The following FBXO46 variants were observed in gnomAD, a reference collection of about 807,000 sequenced individuals.
FBXO46 encodes the protein F-box protein 46.
FBXO46 carries 13 observed loss-of-function variants against 30.7 expected under a neutral mutation model. The observed-to-expected ratio is 0.42, with a 90% CI of 0.28 to 0.67. FBXO46 has a LOEUF of 0.67. FBXO46 is among the 30% of genes least tolerant of loss of function. The pLI is 0.21. For synonymous variants in FBXO46, 467 were observed against 385.8 expected (o/e 1.21, Z -2.47); for missense variants, 754 against 871.5 (o/e 0.87, Z 1.70).
intron 1 of FBXO46, chr19:45,714,314 G>A (rs949097303): frequency 3.3e-5 from 5 of 151,924 alleles, no homozygotes; most frequent in Admixed American, 6.6e-5. Context: ...AACGAAATGC[G>A]CTGGGATGGG....
At chr19:45,716,197 A>G (rs1400977442) in intron 1 of FBXO46, 1 of 152,198 alleles carries the variant, frequency 6.6e-6, no homozygotes, top group African/African-American at 2.4e-5. Context: ...TATAATGCAA[A>G]TACTCAAAAT....
At chr19:45,719,314 GA>G (rs750788559) in intron 1 of FBXO46, among the ~76,000 whole-genome samples, 11 of 151,882 alleles carry the variant, frequency 7.2e-5, no homozygotes, top group Non-Finnish European at 1.5e-4. Flanking sequence ...GGATGATGAC[GA>G]AACAAAATGA....
chr19:45,732,071 C>G (rs986733809), upstream of FBXO46, among the ~76,000 whole-genome samples: 1 of 150,592 alleles, frequency 6.6e-6, no homozygotes, highest in Admixed American at 6.6e-5. Flanking sequence ...GAGCCGAGAT[C>G]GCGCCACTGC....
Position 45,713,424 on chromosome 19 carries a change from C to T in FBXO46, c.72G>A (p.Gln24=), listed in dbSNP as rs367697053. ...TGAGGGCCGCAGAAGGCGGGCGTGG[C>T]TGGTTCTGTGAGTAGGTGCCAAAGG... The part of the protein sequence containing the change: ...PRPFGTYSQN[Q]PRPPSAALKP... Residue 24 remains glutamine, a synonymous_variant, in exon 2 of 2, where the codon CAG becomes CAA. Transcript: ENST00000317683. The surrounding 1 kb of genome is among the most constrained non-coding windows in gnomAD (Gnocchi z 4.7). 407 of 1,605,272 alleles carry T rather than the reference C, an allele frequency of 2.5e-4. No individual in the cohort carries two copies. Among genetic ancestry groups the T allele is most frequent in the Non-Finnish European group, 3.3e-4 (383 of 1,173,750 alleles).
upstream of FBXO46, chr19:45,733,136 G>A (rs554619556): frequency 2.2e-4 from 34 of 152,432 alleles, no homozygotes; most frequent in African/African-American, 7.5e-4. This position sits in a 1 kb window ranked among gnomAD's most constrained non-coding sequence, Gnocchi z 5.7. Flanking sequence ...CCTGAGAGTT[G>A]GCAGTTGAGG....
chr19:45,730,339 C>T (rs1266771034), intron 1 of FBXO46, among the ~76,000 whole-genome samples: 1 of 151,918 alleles, frequency 6.6e-6, no homozygotes, highest in Non-Finnish European at 1.5e-5. Context: ...CTTACCCCAC[C>T]CTCAGTCCTG....
At chr19:45,726,658 T>C (rs548891299) in intron 1 of FBXO46, among the ~76,000 whole-genome samples, 1 of 150,070 alleles carries the variant, frequency 6.7e-6, no homozygotes, top group African/African-American at 2.5e-5. Flanking sequence ...AAAAAAAAAA[T>C]TGTTTGTAGA....
chr19:45,731,934 A>C (rs1968321358), upstream of FBXO46, among the ~76,000 whole-genome samples: 1 of 151,640 alleles, frequency 6.6e-6, no homozygotes, highest in African/African-American at 2.4e-5. Context: ...TGGCTAACAC[A>C]CTGAAACCCC....
intron 1 of FBXO46, among the ~76,000 whole-genome samples, chr19:45,721,477 C>A (rs1367889029): frequency 6.6e-6 from 1 of 151,464 alleles, no homozygotes; most frequent in African/African-American, 2.4e-5. Flanking sequence ...GCCAGGGTCA[C>A]ACCCAGCACA....
upstream of FBXO46, among the ~76,000 whole-genome samples, chr19:45,732,433 G>A (rs1172095480): frequency 6.6e-6 from 1 of 150,766 alleles, no homozygotes; most frequent in East Asian, 2.0e-4. Flanking sequence ...TTTCCAGGCT[G>A]GGTGCGGTGG....
rs533151018 is a variant in FBXO46, at chr19:45,727,781, C to G, written c.-79+3068G>C. Among the ~76,000 whole-genome samples the G allele has an allele frequency of 3.3e-5, 5 of 152,230 alleles. No individual in the cohort carries two copies. In the South Asian group the frequency reaches 1.0e-3, roughly 32 times the overall value. On this transcript the variant is annotated intron_variant, in intron 1 of 1. Transcript: ENST00000317683. ...AAAGTTGTCAAACTGCCCAATGAGG[C>G]CTTAATGACCCAAAAGTTAAACGAA...
At chr19:45,723,494 G>C (rs1363696455) in intron 1 of FBXO46, 2 of 152,204 alleles carry the variant, frequency 1.3e-5, no homozygotes, top group African/African-American at 4.8e-5. Context: ...CAGCTGATGA[G>C]AGGTGAAGCC....
chr19:45,727,491 G>A (rs764335931), intron 1 of FBXO46, among the ~76,000 whole-genome samples: 28 of 151,916 alleles, frequency 1.8e-4, no homozygotes, highest in Non-Finnish European at 2.9e-4. Context: ...CCCGGGAGGC[G>A]GAGATTGCAG....
Position 45,712,542 on chromosome 19 carries a change from G to C in FBXO46, c.954C>G (p.Ala318=), listed in dbSNP as rs1968003271. The change falls in exon 2 of 2, where the codon GCC becomes GCG. Residue 318 remains alanine (A), a synonymous_variant. Transcript: ENST00000317683. The surrounding 1 kb of genome is among the most constrained non-coding windows in gnomAD (Gnocchi z 8.8). ...GCAGGAACTCCACGTTGCTGGGGAG[G>C]GCATCCCGCGAGGGGCTGATGAGCT... The part of the protein sequence containing the change: ...LYQLISPSRD[A]LPSNVEFLLA... The C allele has an allele frequency of 1.3e-6, 2 of 1,598,788 alleles. No homozygotes were observed. The highest frequency in any genetic ancestry group is 2.2e-5 in the South Asian group (2 of 89,300).
chr19:45,724,896 G>C (rs1174417961), intron 1 of FBXO46, among the ~76,000 whole-genome samples: 1 of 152,074 alleles, frequency 6.6e-6, no homozygotes, highest in African/African-American at 2.4e-5. Context: ...CAAGAGATCT[G>C]CCCATGTAGG....
At position 45,712,050 on chromosome 19, in the gene FBXO46, G is replaced by C. The variant is rs1362502020; in HGVS notation, c.1446C>G (p.Val482=). The C allele has an allele frequency of 9.9e-6, 16 of 1,611,772 alleles. No individual in the cohort carries two copies. The highest frequency in any genetic ancestry group is 1.2e-5 in the Non-Finnish European group (14 of 1,179,374). ...YMLLLPEHVL[V]KIFSFLPTRA... ...GCGTGGGCAGGAAGCTGAAGATCTT[G>C]ACCAGCACGTGCTCGGGCAGCAGCA... Residue 482 remains valine (V), a synonymous_variant, in exon 2 of 2, where the codon GTC becomes GTG. Coordinates refer to ENST00000317683, the MANE Select transcript of FBXO46 (RefSeq NM_001080469.2). The surrounding 1 kb of genome is among the most constrained non-coding windows in gnomAD (Gnocchi z 8.8).
chr19:45,725,116 C>T (rs1357811397), intron 1 of FBXO46, among the ~76,000 whole-genome samples: 1 of 152,084 alleles, frequency 6.6e-6, no homozygotes. Flanking sequence ...CAGAGACAGG[C>T]CCTGTCTCTA....
At chr19:45,714,675 A>T (rs545439766) in intron 1 of FBXO46, 2 of 152,140 alleles carry the variant, frequency 1.3e-5, no homozygotes, top group Non-Finnish European at 1.5e-5. Flanking sequence ...CGAGGTGGGC[A>T]GATTGCTTGA....
In FBXO46 at chr19:45,711,717, G is replaced by T; in HGVS notation, c.1779C>A (p.Gly593=). ...CCTCCTCCCGGCCGGCCCGGCCCCC[G>T]CCTGGCCCATTGCAGGGCAGCACCC... ...NNWVLPCNGP[G]GGRAGREEGR The change falls in exon 2 of 2, where the codon GGC becomes GGA. Residue 593 remains glycine (G), a synonymous_variant. Transcript: ENST00000317683. The T allele has an allele frequency of 1.3e-6, 1 of 759,230 alleles. No individual in the cohort carries two copies. The highest frequency in any genetic ancestry group is 1.4e-5 in the South Asian group (1 of 69,352). 47.0% of individuals were successfully genotyped at this position (759,230 alleles called of 1,614,324 possible). A position where few individuals can be genotyped will look rare whatever the true frequency, so the allele number is the denominator to read the frequency against.
Sources: gnomAD v4.1 joint callset for allele counts (sites outside exome capture counted in the v4.1 genomes callset) on GRCh38, gnomAD v4.1.1 for gene constraint, Gnocchi (gnomAD v3.1) non-coding constraint, MANE v1.5 for transcripts, NCBI Gene and HGNC (gene_info 2026-07-23, HGNC 2026-07-21) for gene names.